ANKK1: variants seen among roughly 807,000 people sequenced by gnomAD.
The protein encoded by ANKK1 is ankyrin repeat and kinase domain containing 1, also known as ankyrin repeat and protein kinase domain-containing protein 1.
Under a neutral mutation model 37.6 loss-of-function variants are expected in ANKK1, and 37 were observed. That is an observed-to-expected ratio of 0.98 (90% confidence interval 0.76 to 1.29). The LOEUF is 1.29. Ranked by LOEUF, ANKK1 falls within the 50% of genes most tolerant of loss-of-function variation. ANKK1 has a pLI of 0.00. For synonymous variants in ANKK1, 415 were observed against 418.7 expected (o/e 0.99, Z 0.11); for missense variants, 1,019 against 990.6 (o/e 1.03, Z -0.39).
chr11:113,389,499 G>A (rs531806602), intron 1 of ANKK1, among the ~76,000 whole-genome samples: 2 of 152,312 alleles, frequency 1.3e-5, no homozygotes, highest in South Asian at 4.1e-4. Context: ...CTCTCCGGGA[G>A]ATTGCAGCCT....
Position 113,388,019 on chromosome 11 carries a change from GACGGAGT to G in ANKK1, c.139_145del (p.Glu47ProfsTer17). The stretch of plus-strand genomic sequence containing the variant: ...TCCAGGCGCGGCACAGGCGCTGGCG[GACGGAGT>G]ACGCCATCAAGTGCGCCCCCTGCCT... On this transcript the variant is annotated frameshift_variant, in exon 1 of 8. Transcript: ENST00000303941. LOFTEE classifies it high-confidence loss of function. The G allele has an allele frequency of 6.4e-7, 1 of 1,563,592 alleles. No individual in the cohort carries two copies. The highest frequency in any genetic ancestry group is 8.6e-7 in the Non-Finnish European group (1 of 1,159,778).
chr11:113,388,286 G>A (rs1296402575), intron 1 of ANKK1, among the ~76,000 whole-genome samples: 1 of 152,192 alleles, frequency 6.6e-6, no homozygotes, highest in East Asian at 1.9e-4. Flanking sequence ...CCTGTTTGTA[G>A]ACTCAACAGA....
chr11:113,399,453 A>G lies in ANKK1; in HGVS notation c.1484A>G (p.Lys495Arg), dbSNP rs376661130. 5.6e-6 allele frequency: 9 copies of G among 1,595,374 alleles called. No individual in the cohort carries two copies. The highest frequency in any genetic ancestry group is 7.7e-6 in the Non-Finnish European group (9 of 1,171,338). ...CCCAACCTGCATGAGGCTGAGGGCA[A>G]GACCCCCCTCCATGTGGCCGCCTAC... ...ADPNLHEAEG[K>R]TPLHVAAYFG... The change falls in exon 8 of 8, where the codon AAG (lysine) becomes AGG (arginine). Residue 495 changes from lysine to arginine, a missense_variant. Transcript: ENST00000303941.
intron 1 of ANKK1, among the ~76,000 whole-genome samples, chr11:113,391,226 T>C (rs2138122745): frequency 6.6e-6 from 1 of 152,302 alleles, no homozygotes; most frequent in Non-Finnish European, 1.5e-5. Flanking sequence ...GAAGCCCGTG[T>C]GCCAGGGGCA....
chr11:113,396,073 A>C lies in ANKK1; in HGVS notation c.689A>C (p.Asn230Thr), dbSNP rs200624485. The change falls in exon 5 of 8, where the codon AAC becomes ACC. Residue 230 changes from asparagine (N) to threonine (T), a missense_variant. Physicochemically the swap from Asn to Thr is moderately conservative, Grantham distance 65. Coordinates refer to ENST00000303941, the MANE Select transcript of ANKK1 (RefSeq NM_178510.2). ...LTQKKPYSGF[N>T]MMMIIIRVAA... Reference sequence around the variant, plus strand: ...CCTGAGCCTCCCTTTGCAGGGTTCAACATGATGATGATTATTATCCGAGTG... The same window carrying C: ...CCTGAGCCTCCCTTTGCAGGGTTCACCATGATGATGATTATTATCCGAGTG... The C allele has an allele frequency of 1.3e-4, 217 of 1,613,880 alleles. No individual in the cohort carries two copies. The highest frequency in any genetic ancestry group is 1.6e-4 in the Non-Finnish European group (189 of 1,179,880).
chr11:113,395,284 G>A (rs1565651078), intron 3 of ANKK1, 75 bp from the exon 4 acceptor site: 9 of 1,583,864 alleles, frequency 5.7e-6, no homozygotes, highest in Admixed American at 3.4e-5. Flanking sequence ...GTAGCCCCCC[G>A]ACCCTGCCAC....
intron 2 of ANKK1, among the ~76,000 whole-genome samples, chr11:113,394,561 T>A (rs954109193): frequency 1.4e-4 from 21 of 152,168 alleles, no homozygotes; most frequent in Non-Finnish European, 3.1e-4. Flanking sequence ...GGAGGTGCAA[T>A]GAATAGCTTA....
rs1205984225 is a variant in ANKK1 at position 113,399,720 on chromosome 11, C to G, written c.1751C>G (p.Ala584Gly). 2 of 1,599,532 alleles carry G rather than the reference C, an allele frequency of 1.3e-6. No individual in the cohort carries two copies. The highest frequency in any genetic ancestry group is 1.7e-5 in the Admixed American group (1 of 58,080). ...LICKMLLRYGASLELPTHQGW... is the reference protein window; with the variant it reads ...LICKMLLRYGGSLELPTHQGW... Reference sequence around the variant, plus strand: ...TGCAAGATGCTGCTCAGGTACGGAGCCAGCCTTGAGCTGCCCACCCACCAG... The same window carrying G: ...TGCAAGATGCTGCTCAGGTACGGAGGCAGCCTTGAGCTGCCCACCCACCAG... Residue 584 changes from alanine to glycine, a missense_variant, in exon 8 of 8, where the codon GCC (alanine) becomes GGC (glycine). Coordinates refer to ENST00000303941, the MANE Select transcript of ANKK1 (RefSeq NM_178510.2).
intron 7 of ANKK1, 97 bp from the exon 8 acceptor site, chr11:113,398,867 G>C: frequency 9.1e-7 from 1 of 1,101,816 alleles, no homozygotes; most frequent in Non-Finnish European, 1.3e-6. Context: ...TCTAGCCTCT[G>C]TTCCTGGATG....
chr11:113,400,298 T>A lies in ANKK1; in HGVS notation c.*31T>A, dbSNP rs1325341108. On this transcript the variant is annotated 3_prime_UTR_variant, in exon 8 of 8. Coordinates refer to ENST00000303941, the MANE Select transcript of ANKK1 (RefSeq NM_178510.2). ...TTGGCCAGCCGTGGTGGCTCACGTC[T>A]GTAATCCCAGCACTTTGGGAGGCTG... The A allele has an allele frequency of 1.3e-6, 2 of 1,505,272 alleles. No homozygotes were observed. Among genetic ancestry groups the A allele is most frequent in the African/African-American group, 1.4e-5 (1 of 72,210 alleles). 93.2% of individuals were successfully genotyped at this position (1,505,272 alleles called of 1,614,324 possible).
intron 1 of ANKK1, among the ~76,000 whole-genome samples, 151 bp downstream of exon 1, chr11:113,388,220 C>T (rs1373686135): frequency 6.6e-6 from 1 of 152,142 alleles, no homozygotes; most frequent in Non-Finnish European, 1.5e-5. Flanking sequence ...GTAGCCTGAG[C>T]CTCCCAGGCA....
chr11:113,390,737 A>G (rs1486323064), intron 1 of ANKK1, among the ~76,000 whole-genome samples: 3 of 149,514 alleles, frequency 2.0e-5, no homozygotes, highest in Non-Finnish European at 4.5e-5. Flanking sequence ...CTTGGTCTCA[A>G]AAAAAAAAAA....
chr11:113,399,467 G>A lies in ANKK1; in HGVS notation c.1498G>A (p.Val500Met). 1 of 1,593,328 alleles carries A rather than the reference G, an allele frequency of 6.3e-7. No individual in the cohort carries two copies. The highest frequency in any genetic ancestry group is 8.5e-7 in the Non-Finnish European group (1 of 1,170,350). The change falls in exon 8 of 8, where the codon GTG becomes ATG. Residue 500 changes from valine (V) to methionine (M), a missense_variant. Coordinates refer to ENST00000303941, the MANE Select transcript of ANKK1 (RefSeq NM_178510.2). ...GGCTGAGGGCAAGACCCCCCTCCAT[G>A]TGGCCGCCTACTTTGGCCATGTTAG... Reference protein sequence around the residue: ...HEAEGKTPLHVAAYFGHVSLV... With the variant: ...HEAEGKTPLHMAAYFGHVSLV...
chr11:113,398,854 T>A, intron 7 of ANKK1, 110 bp from the exon 8 acceptor site: 1 of 942,674 alleles, frequency 1.1e-6, no homozygotes, highest in South Asian at 1.7e-5. Flanking sequence ...TTGCCCTTAC[T>A]GCTCTAGCCT....
intron 4 of ANKK1, 30 bp downstream of exon 4, chr11:113,395,438 G>A: frequency 5.0e-6 from 8 of 1,612,444 alleles, no homozygotes; most frequent in Non-Finnish European, 6.8e-6. Context: ...TCTGTGTTGG[G>A]GGCAGGAGGA....
At position 113,400,251 on chromosome 11, in the gene ANKK1, C is replaced by A. The variant is rs1422936067; in HGVS notation, c.2282C>A (p.Ala761Asp). 6.5e-7 allele frequency: 1 copy of A among 1,539,424 alleles called. No individual in the cohort carries two copies. Among genetic ancestry groups the A allele is most frequent in the African/African-American group, 1.4e-5 (1 of 72,870 alleles). ...ACTCTGGGTGGTTCTAAGCCAGGAG[C>A]CGAGATGGAAATTTAGACAACTTGG... ...VATLGGSKPG[A>D]EMEI The change falls in exon 8 of 8, where the codon GCC (alanine) becomes GAC (aspartate). Residue 761 changes from alanine to aspartate, a missense_variant. Physicochemically the swap from Ala to Asp is moderately radical, Grantham distance 126. Coordinates refer to ENST00000303941, the MANE Select transcript of ANKK1 (RefSeq NM_178510.2).
chr11:113,387,847 C>T lies in ANKK1; in HGVS notation c.-38C>T, dbSNP rs1387485231. On this transcript the variant is annotated 5_prime_UTR_variant, in exon 1 of 8. Coordinates refer to ENST00000303941, the MANE Select transcript of ANKK1 (RefSeq NM_178510.2). ...TCGGCCACCCAGGCAGCAGCCACAG[C>T]GGGGAGTGCGCGGCGCGGGGACAGG... The T allele has an allele frequency of 1.5e-5, 22 of 1,458,488 alleles. No individual in the cohort carries two copies. The highest frequency in any genetic ancestry group is 2.2e-5 in the Admixed American group (1 of 44,726). The allele number at this position is 1,458,488 out of a possible 1,614,324, so 90.3% of individuals were successfully genotyped here.
At chr11:113,395,689 A>C (rs35023999) in intron 4 of ANKK1, among the ~76,000 whole-genome samples, 53,341 of 151,580 alleles carry the variant, frequency 0.35, 11,761 homozygotes, top group Non-Finnish European at 0.5. Flanking sequence ...GCCTTCTCAC[A>C]CCCCTGCCCC....
chr11:113,398,067 G>A, intron 7 of ANKK1, 51 bp downstream of exon 7: 1 of 1,550,402 alleles, frequency 6.4e-7, no homozygotes, highest in Non-Finnish European at 8.7e-7. Flanking sequence ...CAGAGAAAAT[G>A]GAGTCAAACC....
Sources: gnomAD v4.1 joint callset for allele counts (sites outside exome capture counted in the v4.1 genomes callset) on GRCh38, gnomAD v4.1.1 for gene constraint, MANE v1.5 for transcripts, NCBI Gene and HGNC (gene_info 2026-07-23, HGNC 2026-07-21) for gene names.